CRACD: variants seen among roughly 807,000 people sequenced by gnomAD.
CRACD encodes capping protein-inhibiting regulator of actin dynamics.
CRACD carries 56 observed loss-of-function variants against 106.8 expected under a neutral mutation model. The ratio of observed to expected loss-of-function variants is 0.52; its 90% CI spans 0.42 to 0.66. CRACD has a LOEUF of 0.66. Ranked by LOEUF, CRACD falls within the 30% of genes least tolerant of loss-of-function variation. CRACD has a pLI of 0.00. For synonymous variants in CRACD, 754 were observed against 670.8 expected (o/e 1.12, Z -1.92); for missense variants, 1,730 against 1,623.2 (o/e 1.07, Z -1.13).
chr4:56,274,680 C>G (rs1211669931), intron 3 of CRACD, among the ~76,000 whole-genome samples: 1 of 151,554 alleles, frequency 6.6e-6, no homozygotes, highest in Non-Finnish European at 1.5e-5. Flanking sequence ...TTTAATTAAA[C>G]CTTTTTATAA....
At chr4:56,123,947 A>ATT (rs3036813) in intron 1 of CRACD, among the ~76,000 whole-genome samples, 54,639 of 151,170 alleles carry the variant, frequency 0.36, 10,534 homozygotes, top group African/African-American at 0.51. Context: ...TTTTAAAATC[A>ATT]TTTTTTTTTA....
chr4:56,056,257 G>A (rs1243506423), intron 1 of CRACD, among the ~76,000 whole-genome samples: 1 of 152,156 alleles, frequency 6.6e-6, no homozygotes, highest in Non-Finnish European at 1.5e-5. Flanking sequence ...TTTAAAAAAA[G>A]CAAAACACCA....
At chr4:56,178,254 C>T (rs553749475) in intron 1 of CRACD, among the ~76,000 whole-genome samples, 156 of 152,214 alleles carry the variant, frequency 1.0e-3, no homozygotes, top group African/African-American at 3.6e-3. Flanking sequence ...TCTCTGGGAT[C>T]GCCTCAGCCT....
At chr4:56,169,245 A>C (rs1480979892) in intron 1 of CRACD, among the ~76,000 whole-genome samples, 4 of 152,222 alleles carry the variant, frequency 2.6e-5, no homozygotes, top group African/African-American at 9.6e-5. Context: ...TGAAAATATG[A>C]GAATGGAAAT....
rs76028187 is a variant in CRACD at position 56,302,917 on chromosome 4, A to G, written c.120+4568A>G. 3.2e-3 allele frequency among the ~76,000 whole-genome samples: 491 copies of G among 152,328 alleles called. 13 individuals are homozygous for G. In the East Asian group the frequency reaches 0.068, roughly 21 times the overall value. On this transcript the variant is annotated intron_variant, in intron 4 of 10. Transcript: ENST00000682029. ...CAACAAAATGGTCCAATTTGAATGA[A>G]TAAAATATAGTTCCTTGTAGCTCAC...
At chr4:56,234,071 A>G (rs1338850385) in intron 2 of CRACD, among the ~76,000 whole-genome samples, 1 of 152,134 alleles carries the variant, frequency 6.6e-6, no homozygotes, top group Non-Finnish European at 1.5e-5. Context: ...AGTAGACTCC[A>G]TCATTTTTAA....
intron 2 of CRACD, among the ~76,000 whole-genome samples, chr4:56,246,000 G>C (rs184393882): frequency 2.6e-5 from 4 of 152,240 alleles, no homozygotes. Flanking sequence ...GGATTGTCTG[G>C]CATTTGTCCT....
At chr4:56,252,639 G>T (rs1741120413) in intron 2 of CRACD, among the ~76,000 whole-genome samples, 1 of 152,220 alleles carries the variant, frequency 6.6e-6, no homozygotes, top group South Asian at 2.1e-4. Flanking sequence ...TCCATAGATA[G>T]GCTGAGTTTA....
At chr4:56,242,338 A>C (rs572004184) in intron 2 of CRACD, among the ~76,000 whole-genome samples, 9 of 152,304 alleles carry the variant, frequency 5.9e-5, no homozygotes, top group African/African-American at 2.2e-4. Flanking sequence ...CTTGAGATAA[A>C]ATTTCCAGTA....
At chr4:56,198,028 G>A (rs1737704900) in intron 2 of CRACD, among the ~76,000 whole-genome samples, 1 of 151,922 alleles carries the variant, frequency 6.6e-6, no homozygotes, top group African/African-American at 2.4e-5. Flanking sequence ...TTGATTCTGT[G>A]ACTTCTTCGA....
rs73817365 is a variant in CRACD, at chr4:56,133,129, A to G, written c.-335-46155A>G. Among the ~76,000 whole-genome samples the G allele has an allele frequency of 6.6e-3, 1,000 of 152,254 alleles. 15 individuals are homozygous for G. The highest frequency in any genetic ancestry group is 0.023 in the African/African-American group (959 of 41,532). ...AGATTGGTTGGATCCTGTCACCCAG[A>G]TTTTCTTACGTCTGCAATGTGAAAA... On this transcript the variant is annotated intron_variant, in intron 1 of 10. Transcript: ENST00000682029.
intron 1 of CRACD, among the ~76,000 whole-genome samples, chr4:56,115,964 A>G (rs1734261133): frequency 6.6e-6 from 1 of 152,240 alleles, no homozygotes; most frequent in African/African-American, 2.4e-5. Flanking sequence ...TTTCAGAATC[A>G]AAAAGATCAG....
rs1732561481 is a variant in CRACD at position 56,069,381 on chromosome 4, T to C, written c.-336+20082T>C. On this transcript the variant is annotated intron_variant, in intron 1 of 10. Coordinates refer to ENST00000682029, the MANE Select transcript of CRACD (RefSeq NM_001393381.1). ...GAGTCTTTAGTTTAGAGATGGTGTT[T>C]AAAGTAGTGAGAATGGCTGAAATCC... Among the ~76,000 whole-genome samples, 2 of 152,130 alleles carry C rather than the reference T, an allele frequency of 1.3e-5. 1 individual carries two copies. The highest frequency in any genetic ancestry group is 2.9e-5 in the Non-Finnish European group (2 of 68,036).
chr4:56,210,785 G>C (rs1738363996), intron 2 of CRACD, among the ~76,000 whole-genome samples: 2 of 152,180 alleles, frequency 1.3e-5, no homozygotes, highest in South Asian at 4.1e-4. Context: ...GTGTATTTGA[G>C]TTCTATAGGT....
At chr4:56,133,709 T>A (rs1434108690) in intron 1 of CRACD, among the ~76,000 whole-genome samples, 1 of 152,230 alleles carries the variant, frequency 6.6e-6, no homozygotes, top group African/African-American at 2.4e-5. Flanking sequence ...TAAGCTGAAT[T>A]GGTTGAAACA....
chr4:56,072,608 C>CT (rs112798382), intron 1 of CRACD, among the ~76,000 whole-genome samples: 25 of 151,138 alleles, frequency 1.7e-4, no homozygotes, highest in Admixed American at 4.0e-4. Flanking sequence ...TTCTTTCTTT[C>CT]TTTTTTTTTA....
chr4:56,237,835 T>G (rs947595631), intron 2 of CRACD, among the ~76,000 whole-genome samples: 20 of 151,846 alleles, frequency 1.3e-4, no homozygotes, highest in Admixed American at 1.2e-3. Flanking sequence ...TAGGCATGCA[T>G]GTGTAGTATG....
chr4:56,105,428 G>A (rs1200884841), intron 1 of CRACD, among the ~76,000 whole-genome samples: 1 of 152,188 alleles, frequency 6.6e-6, no homozygotes, highest in Non-Finnish European at 1.5e-5. Context: ...GAGGCCAGGA[G>A]GTTGAGGCTA....
chr4:56,120,347 A>C (rs1401465351), intron 1 of CRACD, among the ~76,000 whole-genome samples: 1 of 152,196 alleles, frequency 6.6e-6, no homozygotes, highest in East Asian at 1.9e-4. Context: ...CCACAATGAC[A>C]AGCACACTGC....
Sources: allele counts gnomAD v4.1 joint callset (sites outside exome capture counted in the v4.1 genomes callset), GRCh38; gene constraint gnomAD v4.1.1; transcripts MANE v1.5; gene names NCBI Gene and HGNC (gene_info 2026-07-23, HGNC 2026-07-21).